The following RBFOX1 variants were observed in gnomAD, a reference collection of about 807,000 sequenced individuals.
The protein encoded by RBFOX1 is RNA binding protein fox-1 homolog 1.
Under a neutral mutation model 57.7 loss-of-function variants are expected in RBFOX1, and 8 were observed. That is an observed-to-expected ratio of 0.14 (90% CI 0.08 to 0.25). The LOEUF is 0.25. RBFOX1 is among the 10% of genes least tolerant of loss of function. RBFOX1 has a pLI of 1.00. For missense variants in RBFOX1, 611 were observed against 548.5 expected, an observed-to-expected ratio of 1.11 and a Z score of -1.14; for synonymous variants, 326 against 222.4, an observed-to-expected ratio of 1.47 and a Z score of -4.15.
At chr16:7,325,071 A>G (rs1233301997) in intron 4 of RBFOX1, among the ~76,000 whole-genome samples, 1 of 152,206 alleles carries the variant, frequency 6.6e-6, no homozygotes, top group Non-Finnish European at 1.5e-5. Flanking sequence ...CTTTCATTTG[A>G]GCAATTAGCG....
At chr16:5,975,869 G>C (rs2152304261) in intron 4 of RBFOX1, among the ~76,000 whole-genome samples, 1 of 152,238 alleles carries the variant, frequency 6.6e-6, no homozygotes, top group African/African-American at 2.4e-5. Context: ...TATCTGGAAG[G>C]GTGCAGTGGC....
At chr16:5,558,118 C>G (rs150064395) in intron 2 of RBFOX1, among the ~76,000 whole-genome samples, 2 of 152,182 alleles carry the variant, frequency 1.3e-5, no homozygotes, top group Admixed American at 1.3e-4. Context: ...ATACCTTGTA[C>G]TCATCCTCCC....
intron 3 of RBFOX1, among the ~76,000 whole-genome samples, chr16:5,634,354 G>T (rs1040389819): frequency 6.6e-6 from 1 of 152,158 alleles, no homozygotes; most frequent in East Asian, 1.9e-4. Context: ...ACTGATACAA[G>T]TGATAAAAAG....
chr16:5,413,784 A>C (rs1316805992), intron 1 of RBFOX1, among the ~76,000 whole-genome samples: 1 of 152,192 alleles, frequency 6.6e-6, no homozygotes, highest in Non-Finnish European at 1.5e-5. Context: ...AGAGTCCTAA[A>C]GGAGACCGGT....
chr16:6,809,375 C>T (rs11640849), intron 3 of RBFOX1, among the ~76,000 whole-genome samples: 388 of 152,256 alleles, frequency 2.5e-3, no homozygotes, highest in Non-Finnish European at 4.6e-3. Context: ...CTGTGCCAGA[C>T]ACTTTCTAAA....
At chr16:5,770,942 G>C (rs545293488) in intron 3 of RBFOX1, among the ~76,000 whole-genome samples, 1 of 152,110 alleles carries the variant, frequency 6.6e-6, no homozygotes, top group Non-Finnish European at 1.5e-5. Flanking sequence ...TTCCATCCTG[G>C]CAGGTGAACT....
At chr16:5,723,887 G>A (rs1046852706) in intron 3 of RBFOX1, among the ~76,000 whole-genome samples, 4 of 152,194 alleles carry the variant, frequency 2.6e-5, no homozygotes, top group Non-Finnish European at 5.9e-5. Context: ...GCTTCTACAT[G>A]GGCATCTCTT....
chr16:7,279,990 T>G (rs2095509884), intron 4 of RBFOX1, among the ~76,000 whole-genome samples: 1 of 152,190 alleles, frequency 6.6e-6, no homozygotes, highest in African/African-American at 2.4e-5. Context: ...GATGTTGCAT[T>G]TGCTGACTCC....
intron 13 of RBFOX1, among the ~76,000 whole-genome samples, chr16:7,674,272 T>C (rs779672886): frequency 4.6e-5 from 7 of 152,224 alleles, no homozygotes; most frequent in Non-Finnish European, 1.0e-4. Context: ...AGGCTGGTAT[T>C]GTCCAATCCT....
intron 2 of RBFOX1, among the ~76,000 whole-genome samples, chr16:6,604,662 T>C (rs896894693): frequency 1.3e-5 from 2 of 152,236 alleles, no homozygotes; most frequent in Non-Finnish European, 2.9e-5. Flanking sequence ...TGTTCTACTT[T>C]TGTGCATATT....
intron 4 of RBFOX1, among the ~76,000 whole-genome samples, chr16:7,373,263 C>G (rs893100238): frequency 6.6e-6 from 1 of 152,046 alleles, no homozygotes; most frequent in East Asian, 1.9e-4. Context: ...TCTAAAACAA[C>G]AATTAGTTTT....
intron 3 of RBFOX1, among the ~76,000 whole-genome samples, chr16:5,737,187 T>A (rs564437505): frequency 1.1e-4 from 17 of 152,010 alleles, no homozygotes; most frequent in East Asian, 1.9e-4. Flanking sequence ...TCATTTTTTT[T>A]AAAAAAAGAT....
At chr16:6,158,235 G>C (rs72774535) in intron 1 of RBFOX1, among the ~76,000 whole-genome samples, 86,795 of 152,106 alleles carry the variant, frequency 0.57, 26,062 homozygotes, top group Admixed American at 0.71. Context: ...CCTTGGACTT[G>C]TCTGAATCGG....
intron 4 of RBFOX1, among the ~76,000 whole-genome samples, chr16:7,329,160 TGA>T (rs1482220738): frequency 2.6e-5 from 4 of 152,216 alleles, no homozygotes; most frequent in Admixed American, 2.6e-4. Flanking sequence ...ATTTATTATC[TGA>T]GTGTTTACAG....
chr16:7,604,484 G>GGA (rs1221569534), intron 9 of RBFOX1, among the ~76,000 whole-genome samples: 3 of 152,198 alleles, frequency 2.0e-5, no homozygotes, highest in African/African-American at 7.2e-5. Flanking sequence ...TCCTGATGAA[G>GGA]GAGAGTATCA....
At position 5,978,130 on chromosome 16, in the gene RBFOX1, A is replaced by G. The variant is rs9788844; in HGVS notation, c.351+110795A>G. On this transcript the variant is annotated intron_variant, in intron 4 of 19. Transcript: ENST00000641259. The stretch of plus-strand genomic sequence containing the variant: ...CCTAGGGAGAATCCTGTCTCTTCCA[A>G]AAAAAAAAAAAAAAAAAAAAAAAAA... Among the ~76,000 whole-genome samples, 7 of 19,706 alleles carry G rather than the reference A, an allele frequency of 3.6e-4. No individual in the cohort carries two copies. In the South Asian group the frequency reaches 0.012, roughly 32 times the overall value. The allele number at this position is 19,706 out of a possible 152,430, so 12.9% of individuals were successfully genotyped here.
intron 4 of RBFOX1, among the ~76,000 whole-genome samples, chr16:5,887,558 C>A (rs767755435): frequency 6.6e-6 from 1 of 152,110 alleles, no homozygotes; most frequent in African/African-American, 2.4e-5. Context: ...CTCCCCAATG[C>A]GCCTGGATAA....
In RBFOX1 at chr16:5,740,095, C is replaced by T. The variant is rs532577311; in HGVS notation, c.319-127208C>T. On this transcript the variant is annotated intron_variant, in intron 3 of 19. Transcript: ENST00000641259. The stretch of plus-strand genomic sequence containing the variant: ...CCAACGCTTGTTGGCAGTGGAGCCT[C>T]GTCCTGGGAATAGAGAGGGCAGAGC... 6.1e-4 allele frequency among the ~76,000 whole-genome samples: 93 copies of T among 152,228 alleles called. 1 individual carries two copies. Among genetic ancestry groups the T allele is most frequent in the Non-Finnish European group, 1.2e-4 (8 of 68,014 alleles).
intron 3 of RBFOX1, among the ~76,000 whole-genome samples, chr16:6,919,166 G>A (rs933288882): frequency 3.3e-5 from 5 of 151,770 alleles, no homozygotes; most frequent in Admixed American, 6.6e-5. Flanking sequence ...TTGTTTTTTT[G>A]GAGATGGGGT....
Sources: gnomAD v4.1 joint callset for allele counts (sites outside exome capture counted in the v4.1 genomes callset) on GRCh38, gnomAD v4.1.1 for gene constraint, MANE v1.5 for transcripts, NCBI Gene and HGNC (gene_info 2026-07-23, HGNC 2026-07-21) for gene names.